Variants in SYT16 observed in about 807,000 individuals in gnomAD.
SYT16 encodes the protein synaptotagmin-16.
In SYT16, 42 loss-of-function variants were observed where a neutral mutation model predicts 61.4. The observed-to-expected ratio is 0.68, with a 90% CI of 0.53 to 0.89. The LOEUF is 0.89. Ranked by LOEUF, SYT16 falls within the 40% of genes least tolerant of loss-of-function variation. The pLI is 0.00. For missense variants in SYT16, 804 were observed against 807.3 expected (o/e 1.00, Z 0.05); for synonymous variants, 314 against 302.3 (o/e 1.04, Z -0.40).
At chr14:62,016,961 T>C (rs1254957511) in intron 3 of SYT16, among the ~76,000 whole-genome samples, 1 of 152,192 alleles carries the variant, frequency 6.6e-6, no homozygotes, top group Non-Finnish European at 1.5e-5. Context: ...GCTAGATTCA[T>C]AATAAATATT....
At chr14:61,861,838 C>T (rs73256479) in intron 1 of SYT16, among the ~76,000 whole-genome samples, 20,855 of 152,144 alleles carry the variant, frequency 0.14, 1,590 homozygotes, top group African/African-American at 0.2. Context: ...ATAAAAGTTA[C>T]GTTTACACCA....
chr14:62,056,203 A>G (rs2055547428), intron 3 of SYT16, among the ~76,000 whole-genome samples: 1 of 152,200 alleles, frequency 6.6e-6, no homozygotes, highest in Non-Finnish European at 1.5e-5. Context: ...AGGAAACACA[A>G]AGCTACAGTG....
intron 1 of SYT16, among the ~76,000 whole-genome samples, chr14:61,901,039 C>T (rs999277802): frequency 6.6e-6 from 1 of 152,160 alleles, no homozygotes; most frequent in African/African-American, 2.4e-5. Context: ...TGTGATCCTG[C>T]CTTCCAATTT....
At chr14:61,918,301 C>T (rs7158877) in intron 1 of SYT16, among the ~76,000 whole-genome samples, 29 of 152,168 alleles carry the variant, frequency 1.9e-4, no homozygotes, top group African/African-American at 6.3e-4. Flanking sequence ...ATCATATGGG[C>T]GGAAATATGG....
rs552874632 is a variant in SYT16 at position 62,068,779 on chromosome 14, C to T, written c.524-824C>T. On this transcript the variant is annotated intron_variant, in intron 3 of 7. Coordinates refer to ENST00000683842, the MANE Select transcript of SYT16 (RefSeq NM_001367656.1). Reference sequence around the variant, plus strand: ...GAGTTAAAACACACACACACACACACAATGAGTCTCTTTTCTCTTCTTTTT... The same window carrying T: ...GAGTTAAAACACACACACACACACATAATGAGTCTCTTTTCTCTTCTTTTT... Among the ~76,000 whole-genome samples, 3 of 152,084 alleles carry T rather than the reference C, an allele frequency of 2.0e-5. No homozygotes were observed. In the South Asian group the frequency reaches 6.2e-4, roughly 32 times the overall value.
At position 61,887,357 on chromosome 14, in the gene SYT16, G is replaced by A. The variant is rs565101829; in HGVS notation, c.-325+74547G>A. Reference sequence around the variant, plus strand: ...AGTACACTGAGCATAGTTCTTAGGGGTCCTAGCATTTTCAGAATGGCCAGT... The same window carrying A: ...AGTACACTGAGCATAGTTCTTAGGGATCCTAGCATTTTCAGAATGGCCAGT... On this transcript the variant is annotated intron_variant, in intron 1 of 7. Coordinates refer to ENST00000683842, the MANE Select transcript of SYT16 (RefSeq NM_001367656.1). 2.6e-5 allele frequency among the ~76,000 whole-genome samples: 4 copies of A among 152,274 alleles called. No individual in the cohort carries two copies. The South Asian group carries it at 8.3e-4, about 32-fold the overall frequency.
intron 3 of SYT16, among the ~76,000 whole-genome samples, chr14:62,051,570 G>A (rs1322368053): frequency 1.3e-5 from 2 of 152,220 alleles, no homozygotes; most frequent in African/African-American, 4.8e-5. Context: ...AGTCACGCTA[G>A]GAGCTGTATA....
chr14:62,047,023 G>C (rs2055022860), intron 3 of SYT16, among the ~76,000 whole-genome samples: 2 of 152,208 alleles, frequency 1.3e-5, no homozygotes, highest in Admixed American at 1.3e-4. Context: ...GGATGGCACT[G>C]AATCTGTAAA....
chr14:61,861,311 A>AT (rs2046954870), intron 1 of SYT16, among the ~76,000 whole-genome samples: 1 of 152,230 alleles, frequency 6.6e-6, no homozygotes, highest in African/African-American at 2.4e-5. Flanking sequence ...AAAATTTACT[A>AT]ATTTTTTTTG....
At chr14:62,025,744 G>T (rs1390669701) in intron 3 of SYT16, among the ~76,000 whole-genome samples, 1 of 151,940 alleles carries the variant, frequency 6.6e-6, no homozygotes, top group Non-Finnish European at 1.5e-5. Context: ...GGGTGCTAAT[G>T]TAAGTGGTAT....
chr14:61,883,855 C>T (rs973173925), intron 1 of SYT16, among the ~76,000 whole-genome samples: 10 of 152,144 alleles, frequency 6.6e-5, no homozygotes, highest in African/African-American at 2.2e-4. Context: ...AAAGCAGGCA[C>T]CTTCTTCACA....
chr14:62,030,817 G>A (rs1847961256), intron 3 of SYT16, among the ~76,000 whole-genome samples: 2 of 152,162 alleles, frequency 1.3e-5, no homozygotes, highest in African/African-American at 4.8e-5. Context: ...AATGAAAGCT[G>A]CAAAGAAAGG....
chr14:61,914,037 C>A (rs1056517442), intron 1 of SYT16, among the ~76,000 whole-genome samples: 5 of 152,112 alleles, frequency 3.3e-5, no homozygotes, highest in Non-Finnish European at 7.4e-5. Flanking sequence ...CTCAGGATAG[C>A]CTCTCCTATT....
At chr14:61,959,369 AT>A (rs543092652) in intron 1 of SYT16, among the ~76,000 whole-genome samples, 1 of 149,364 alleles carries the variant, frequency 6.7e-6, no homozygotes, top group African/African-American at 2.5e-5. Context: ...TTGTGTTTTG[AT>A]TTTTTTTATA....
At chr14:62,032,522 T>G (rs557521940) in intron 3 of SYT16, among the ~76,000 whole-genome samples, 2 of 152,092 alleles carry the variant, frequency 1.3e-5, no homozygotes, top group Non-Finnish European at 2.9e-5. Flanking sequence ...CAGAAAATTC[T>G]TACTTGAATT....
chr14:62,020,440 T>A (rs2053866842), intron 3 of SYT16, among the ~76,000 whole-genome samples: 1 of 152,194 alleles, frequency 6.6e-6, no homozygotes, highest in Non-Finnish European at 1.5e-5. Flanking sequence ...CTCTTCTCTC[T>A]CCGTCTTTAG....
intron 2 of SYT16, among the ~76,000 whole-genome samples, chr14:61,971,359 TGTCATCTCAAGGCTTCAGTTA>T (rs2051547471): frequency 9.0e-6 from 1 of 111,200 alleles, no homozygotes; most frequent in South Asian, 4.1e-4. Flanking sequence ...GCAGTTAGAA[TGTCATCTCAAGGCTTCAGTTA>T]GAATGTCATC....
At chr14:61,917,292 C>T (rs1455246917) in intron 1 of SYT16, among the ~76,000 whole-genome samples, 2 of 152,140 alleles carry the variant, frequency 1.3e-5, no homozygotes, top group Non-Finnish European at 2.9e-5. Context: ...TGTACCCTGT[C>T]TCTTTGGCCA....
intron 2 of SYT16, among the ~76,000 whole-genome samples, chr14:61,982,092 T>A (rs2052103272): frequency 6.6e-6 from 1 of 152,214 alleles, no homozygotes; most frequent in Non-Finnish European, 1.5e-5. Context: ...TATATAGCTC[T>A]GAGTCTTATT....
Sources: allele counts gnomAD v4.1 joint callset (sites outside exome capture counted in the v4.1 genomes callset), GRCh38; gene constraint gnomAD v4.1.1; transcripts MANE v1.5; gene names NCBI Gene and HGNC (gene_info 2026-07-23, HGNC 2026-07-21).